CFAP206: variants seen among roughly 807,000 people sequenced by gnomAD.
CFAP206 encodes cilia- and flagella-associated protein 206.
Under a neutral mutation model 65.4 loss-of-function variants are expected in CFAP206, and 53 were observed. The ratio of observed to expected loss-of-function variants is 0.81; its 90% CI spans 0.65 to 1.02. The LOEUF is 1.02. CFAP206 is among the 50% of genes least tolerant of loss of function. The pLI, the probability that CFAP206 is intolerant of heterozygous loss-of-function variation, is 0.00. For missense variants in CFAP206, 663 were observed against 753.2 expected, an observed-to-expected ratio of 0.88 and a Z score of 1.40; for synonymous variants, 250 against 254.4, an observed-to-expected ratio of 0.98 and a Z score of 0.17.
At chr6:87,425,294 A>G (rs1366977199) in intron 7 of CFAP206, among the ~76,000 whole-genome samples, 3 of 152,208 alleles carry the variant, frequency 2.0e-5, no homozygotes, top group Non-Finnish European at 2.9e-5. Flanking sequence ...GTATTTTTCT[A>G]TATCATCTCC....
chr6:87,449,583 G>A (rs1290751269), intron 11 of CFAP206, among the ~76,000 whole-genome samples: 1 of 152,042 alleles, frequency 6.6e-6, no homozygotes, highest in East Asian at 1.9e-4. Flanking sequence ...GTGACATTGA[G>A]CATTTTCTTA....
At chr6:87,462,329 C>T (rs1768763078) in intron 12 of CFAP206, among the ~76,000 whole-genome samples, 1 of 152,146 alleles carries the variant, frequency 6.6e-6, no homozygotes, top group South Asian at 2.1e-4. Context: ...GGATCAGTTT[C>T]CCCATATATC....
intron 11 of CFAP206, among the ~76,000 whole-genome samples, chr6:87,459,904 T>C (rs902112372): frequency 6.6e-6 from 1 of 152,244 alleles, no homozygotes; most frequent in Non-Finnish European, 1.5e-5. Flanking sequence ...AATTCCCACC[T>C]GTTCTTCAGT....
intron 7 of CFAP206, among the ~76,000 whole-genome samples, chr6:87,422,611 T>C (rs1767960717): frequency 1.3e-5 from 2 of 150,950 alleles, no homozygotes; most frequent in Admixed American, 6.6e-5. Flanking sequence ...ATTAGCCCGG[T>C]GCAGTGGCAG....
intron 7 of CFAP206, among the ~76,000 whole-genome samples, chr6:87,425,180 G>A (rs138753383): frequency 2.6e-5 from 4 of 152,224 alleles, no homozygotes; most frequent in South Asian, 2.1e-4. Flanking sequence ...AAGCATTCAC[G>A]TGAAACTTTT....
At chr6:87,412,323 C>G (rs1382829898) in intron 3 of CFAP206, among the ~76,000 whole-genome samples, 1 of 152,072 alleles carries the variant, frequency 6.6e-6, no homozygotes, top group Non-Finnish European at 1.5e-5. Flanking sequence ...TGCATTCTCC[C>G]CTCCCTCCTC....
intron 12 of CFAP206, 63 bp downstream of exon 12, chr6:87,461,228 T>C (rs1768743798): frequency 4.5e-6 from 5 of 1,111,562 alleles, no homozygotes; most frequent in Non-Finnish European, 6.1e-6. Context: ...TTGTTACTCA[T>C]AGAGTTGGTA....
intron 6 of CFAP206, among the ~76,000 whole-genome samples, chr6:87,417,993 C>A (rs993542275): frequency 1.3e-5 from 2 of 151,958 alleles, no homozygotes; most frequent in African/African-American, 4.8e-5. Flanking sequence ...CCGCCTCGGC[C>A]TCCCAAAGTG....
chr6:87,464,150 T>C lies in CFAP206; in HGVS notation c.1769T>C (p.Val590Ala). The C allele has an allele frequency of 6.2e-7, 1 of 1,614,170 alleles. No homozygotes were observed. ...TQSMREDSTG[V>A]PRPQIYLAGL... ...TCCATGAGGGAAGACAGCACTGGGG[T>C]GCCCAGGCCTCAGATTTACTTGGCT... The change falls in exon 13 of 13, where the codon GTG becomes GCG. Residue 590 changes from valine to alanine, a missense_variant. Val to Ala is a moderately conservative substitution (Grantham distance 64). Coordinates refer to ENST00000369562, the MANE Select transcript of CFAP206 (RefSeq NM_001031743.3).
chr6:87,410,987 A>G (rs1363340406), intron 3 of CFAP206, among the ~76,000 whole-genome samples: 1 of 152,218 alleles, frequency 6.6e-6, no homozygotes, highest in African/African-American at 2.4e-5. Flanking sequence ...CCAGAAAATA[A>G]TAATTTTCCC....
rs115269885 is a variant in CFAP206 at position 87,432,056 on chromosome 6, G to A, written c.1300+883G>A. 5.6e-3 allele frequency among the ~76,000 whole-genome samples: 853 copies of A among 152,298 alleles called. 12 individuals carry two copies. Among genetic ancestry groups the A allele is most frequent in the African/African-American group, 0.02 (820 of 41,550 alleles). On this transcript the variant is annotated intron_variant, in intron 10 of 12. Coordinates refer to ENST00000369562, the MANE Select transcript of CFAP206 (RefSeq NM_001031743.3). ...ATCCAAAAAGTGCTGTGTGAATTGT[G>A]AATAAGAAAAAGCCTGCCAGGGCTA...
chr6:87,423,340 C>G (rs1452615449), intron 7 of CFAP206, among the ~76,000 whole-genome samples: 1 of 151,906 alleles, frequency 6.6e-6, no homozygotes, highest in East Asian at 1.9e-4. Context: ...GCTCCGCCTC[C>G]CGGGTTCACG....
At chr6:87,455,882 G>A (rs1380635100) in intron 11 of CFAP206, among the ~76,000 whole-genome samples, 1 of 152,098 alleles carries the variant, frequency 6.6e-6, no homozygotes, top group Non-Finnish European at 1.5e-5. Flanking sequence ...TCCCAGCAAA[G>A]AAAAGCCAGG....
At chr6:87,450,997 T>C (rs1768533543) in intron 11 of CFAP206, among the ~76,000 whole-genome samples, 2 of 152,226 alleles carry the variant, frequency 1.3e-5, no homozygotes, top group African/African-American at 4.8e-5. Flanking sequence ...CGGGAGCATT[T>C]AGACCAGCCC....
At chr6:87,457,298 A>C (rs921803815) in intron 11 of CFAP206, among the ~76,000 whole-genome samples, 8 of 152,186 alleles carry the variant, frequency 5.3e-5, no homozygotes, top group African/African-American at 1.9e-4. Flanking sequence ...GACATTCTGT[A>C]AGAAATAGAA....
At chr6:87,415,980 T>TA in intron 5 of CFAP206, 106 bp downstream of exon 5, 1 of 846,548 alleles carries the variant, frequency 1.2e-6, no homozygotes, top group Non-Finnish European at 1.6e-6. Flanking sequence ...TCCCTTTTTA[T>TA]CTGAAAAAAA....
chr6:87,452,465 A>G (rs559312444), intron 11 of CFAP206, among the ~76,000 whole-genome samples: 80 of 152,214 alleles, frequency 5.3e-4, no homozygotes, highest in African/African-American at 1.8e-3. Flanking sequence ...GGAAAACATG[A>G]CCTCACCAAA....
chr6:87,421,504 C>T (rs1042778769), intron 7 of CFAP206, among the ~76,000 whole-genome samples: 3 of 151,872 alleles, frequency 2.0e-5, no homozygotes, highest in Non-Finnish European at 4.4e-5. Flanking sequence ...AAAAAAAATC[C>T]AATATATAGC....
chr6:87,449,037 G>A (rs534207169), intron 11 of CFAP206, among the ~76,000 whole-genome samples: 2 of 152,136 alleles, frequency 1.3e-5, no homozygotes, highest in South Asian at 4.2e-4. Flanking sequence ...GGGATTACTG[G>A]ATCATATGGT....
Sources: gnomAD v4.1 joint callset for allele counts (sites outside exome capture counted in the v4.1 genomes callset) on GRCh38, gnomAD v4.1.1 for gene constraint, MANE v1.5 for transcripts, NCBI Gene and HGNC (gene_info 2026-07-23, HGNC 2026-07-21) for gene names.